Variants in ARHGAP44 observed in about 807,000 individuals in gnomAD.
The protein encoded by ARHGAP44 is Rho GTPase activating protein 44, also known as rho GTPase-activating protein 44.
In ARHGAP44, 43 loss-of-function variants were observed where a neutral mutation model predicts 106.8. That is an observed-to-expected ratio of 0.40 (90% CI 0.32 to 0.52). The LOEUF is 0.52. Ranked by LOEUF, ARHGAP44 falls within the 20% of genes least tolerant of loss-of-function variation. The pLI, the probability that ARHGAP44 is intolerant of heterozygous loss-of-function variation, is 0.48. For synonymous variants in ARHGAP44, 439 were observed against 410.3 expected (o/e 1.07, Z -0.85); for missense variants, 866 against 1,050.5 (o/e 0.82, Z 2.43).
chr17:12,944,151 C>T lies in ARHGAP44; in HGVS notation c.816C>T (p.Ile272=), dbSNP rs373209701. 1.9e-5 allele frequency: 30 copies of T among 1,612,506 alleles called. No homozygotes were observed. The African/African-American group carries it at 2.9e-4, about 16-fold the overall frequency. ...GCGGCCGGGAGATCGCCTTCCCCAT[C>T]GAGGCGTGTGTGACCATGCTGCTTG... is the stretch of plus-strand genomic sequence containing the variant. ...TISGREIAFP[I]EACVTMLLEC... The change falls in exon 10 of 21, where the codon ATC becomes ATT. Residue 272 remains isoleucine (I), a synonymous_variant. Transcript: ENST00000379672.
At chr17:12,807,607 A>G (rs2034315485) in intron 1 of ARHGAP44, among the ~76,000 whole-genome samples, 1 of 152,208 alleles carries the variant, frequency 6.6e-6, no homozygotes, top group Admixed American at 6.5e-5. Context: ...TATCACAAGC[A>G]CAGCATGGGA....
chr17:12,830,234 A>AT (rs1178485340), intron 1 of ARHGAP44, among the ~76,000 whole-genome samples: 2 of 152,008 alleles, frequency 1.3e-5, no homozygotes, highest in Non-Finnish European at 2.9e-5. Flanking sequence ...CAAAGAACTC[A>AT]TTTTTTTCTT....
At chr17:12,844,468 A>G (rs4792292) in intron 1 of ARHGAP44, among the ~76,000 whole-genome samples, 34,697 of 152,076 alleles carry the variant, frequency 0.23, 5,810 homozygotes, top group African/African-American at 0.46. Flanking sequence ...TGACCCAGTC[A>G]CCTCTTACTA....
intron 1 of ARHGAP44, among the ~76,000 whole-genome samples, chr17:12,883,390 GT>G (rs553434155): frequency 1.3e-3 from 195 of 149,314 alleles, no homozygotes; most frequent in Middle Eastern, 7.0e-3. Context: ...TTTTTTTATT[GT>G]TTTTTCTTCT....
intron 13 of ARHGAP44, among the ~76,000 whole-genome samples, chr17:12,953,422 G>T (rs1030807294): frequency 6.6e-6 from 1 of 152,142 alleles, no homozygotes; most frequent in Non-Finnish European, 1.5e-5. Context: ...CATCTGCCTG[G>T]TTATTTCTGT....
chr17:12,887,352 C>T (rs28482450), intron 1 of ARHGAP44, among the ~76,000 whole-genome samples: 29,588 of 151,912 alleles, frequency 0.19, 3,621 homozygotes, highest in East Asian at 0.44. Flanking sequence ...CCTCAGCCAC[C>T]CGAGTGGCTA....
intron 1 of ARHGAP44, among the ~76,000 whole-genome samples, chr17:12,825,995 G>T (rs748110615): frequency 2.6e-5 from 4 of 152,066 alleles, no homozygotes; most frequent in African/African-American, 9.7e-5. Context: ...CTTTGTGTTC[G>T]TTCTAAAATA....
At chr17:12,916,279 A>G (rs2037911269) in intron 5 of ARHGAP44, among the ~76,000 whole-genome samples, 1 of 152,144 alleles carries the variant, frequency 6.6e-6, no homozygotes, top group Non-Finnish European at 1.5e-5. Flanking sequence ...TTCCCCACCC[A>G]CAGCCTCGAC....
chr17:12,906,792 T>C (rs1272147022), intron 3 of ARHGAP44, among the ~76,000 whole-genome samples: 1 of 151,814 alleles, frequency 6.6e-6, no homozygotes, highest in African/African-American at 2.4e-5. Flanking sequence ...GAAATAAAAT[T>C]AGCCAGGCAT....
At chr17:12,880,224 C>T (rs564699563) in intron 1 of ARHGAP44, among the ~76,000 whole-genome samples, 8 of 152,066 alleles carry the variant, frequency 5.3e-5, no homozygotes, top group Admixed American at 3.3e-4. Context: ...TCCATATGCT[C>T]GTATATATAT....
intron 1 of ARHGAP44, among the ~76,000 whole-genome samples, chr17:12,844,824 GT>G (rs751932569): frequency 6.7e-6 from 1 of 149,098 alleles, no homozygotes; most frequent in Non-Finnish European, 1.5e-5. Context: ...TCTGCAAGCA[GT>G]TTTTTGTGTA....
chr17:12,978,544 AGCTCCCT>A (rs1254618375), intron 18 of ARHGAP44, among the ~76,000 whole-genome samples: 3 of 135,948 alleles, frequency 2.2e-5, no homozygotes, highest in Non-Finnish European at 4.8e-5. Flanking sequence ...TCCCCGGCCC[AGCTCCCT>A]GCTCCCAGTC....
chr17:12,865,790 G>GAAAA (rs34877405), intron 1 of ARHGAP44, among the ~76,000 whole-genome samples: 1 of 119,104 alleles, frequency 8.4e-6, no homozygotes, highest in Non-Finnish European at 1.7e-5. Context: ...CTCATCTCAA[G>GAAAA]AAAAAAAAAA....
chr17:12,991,422 TTA>T lies in ARHGAP44; in HGVS notation c.*1252_*1253del, dbSNP rs1299837227. On this transcript the variant is annotated 3_prime_UTR_variant, in exon 21 of 21. Coordinates refer to ENST00000379672, the MANE Select transcript of ARHGAP44 (RefSeq NM_014859.6). ...GGTGTACAATGAAAAATTTAAATGC[TTA>T]GTTATTTTTCCCAACACAGTGTAAA... 1.8e-5 allele frequency: 3 copies of T among 162,942 alleles called. No homozygotes were observed. The highest frequency in any genetic ancestry group is 2.7e-4 in the East Asian group (2 of 7,310). 10.1% of individuals were successfully genotyped at this position (162,942 alleles called of 1,614,324 possible). A position where few individuals can be genotyped will look rare whatever the true frequency, so the allele number is the denominator to read the frequency against.
At chr17:12,815,913 T>C (rs1355223241) in intron 1 of ARHGAP44, among the ~76,000 whole-genome samples, 2 of 152,078 alleles carry the variant, frequency 1.3e-5, no homozygotes, top group East Asian at 3.9e-4. Flanking sequence ...ACTGGACAGA[T>C]GGAACTATTT....
intron 5 of ARHGAP44, among the ~76,000 whole-genome samples, chr17:12,917,784 G>A (rs1241165309): frequency 3.3e-5 from 5 of 152,140 alleles, no homozygotes; most frequent in South Asian, 2.1e-4. Flanking sequence ...GCACCAGTGC[G>A]ATTCAGGAAC....
chr17:12,860,856 CTTT>C (rs71144929), intron 1 of ARHGAP44, among the ~76,000 whole-genome samples: 3 of 135,814 alleles, frequency 2.2e-5, no homozygotes, highest in African/African-American at 5.8e-5. Flanking sequence ...TTTTTCTATT[CTTT>C]TTTTTTTTTT....
Position 12,833,460 on chromosome 17 carries a change from G to T in ARHGAP44, c.53+43569G>T, listed in dbSNP as rs1414075702. 3.9e-5 allele frequency among the ~76,000 whole-genome samples: 6 copies of T among 152,100 alleles called. No homozygotes were observed. In the East Asian group the frequency reaches 1.2e-3, roughly 29 times the overall value. ...TTGTTTTTTCCTTTCGTACTTTATA[G>T]AATTCACATTTCCCCAAGGATGTTT... On this transcript the variant is annotated intron_variant, in intron 1 of 20. Transcript: ENST00000379672.
intron 10 of ARHGAP44, among the ~76,000 whole-genome samples, chr17:12,944,556 G>A (rs2038799204): frequency 6.6e-6 from 1 of 151,744 alleles, no homozygotes; most frequent in Admixed American, 6.6e-5. Context: ...CGCGATCTTG[G>A]TTCACTGCAA....
Sources: gnomAD v4.1 joint callset for allele counts (sites outside exome capture counted in the v4.1 genomes callset) on GRCh38, gnomAD v4.1.1 for gene constraint, MANE v1.5 for transcripts, NCBI Gene and HGNC (gene_info 2026-07-23, HGNC 2026-07-21) for gene names.